The following ZNF382 variants were observed in gnomAD, a reference collection of about 807,000 sequenced individuals.
ZNF382 encodes the protein zinc finger protein 382, also known as KRAB/zinc finger suppressor protein 1.
A neutral mutation model predicts 38.8 loss-of-function variants in ZNF382; 20 were observed. That is an observed-to-expected ratio of 0.51 (90% CI 0.36 to 0.75). The LOEUF (loss-of-function observed/expected upper bound fraction) is 0.75, where lower values mean the gene tolerates loss of function less well. ZNF382 is among the 30% of genes least tolerant of loss of function. The probability of loss-of-function intolerance (pLI) is 0.00; values close to 1 mark genes in which losing one functional copy is unlikely to be tolerated. For synonymous variants in ZNF382, 202 were observed against 223.1 expected, an observed-to-expected ratio of 0.91 and a Z score of 0.84; for missense variants, 546 against 654.1, an observed-to-expected ratio of 0.83 and a Z score of 1.80.
Position 36,626,614 on chromosome 19 carries a change from C to G in ZNF382, c.717C>G (p.Thr239=), listed in dbSNP as rs755727746. Residue 239 remains threonine, a synonymous_variant, in exon 5 of 5, where the codon ACC becomes ACG. Transcript: ENST00000292928. ...THTRAHRGER[T]FEYNKDGIAF... Reference sequence around the variant, plus strand: ...CTAGAGCTCACAGAGGAGAAAGAACCTTTGAATACAATAAAGATGGAATTG... The same window carrying G: ...CTAGAGCTCACAGAGGAGAAAGAACGTTTGAATACAATAAAGATGGAATTG... 11 of 1,613,974 alleles carry G rather than the reference C, an allele frequency of 6.8e-6. No homozygotes were observed. The highest frequency in any genetic ancestry group is 1.1e-5 in the South Asian group (1 of 91,066).
intron 1 of ZNF382, among the ~76,000 whole-genome samples, chr19:36,607,173 G>A (rs1409233678): frequency 6.6e-6 from 1 of 151,964 alleles, no homozygotes; most frequent in African/African-American, 2.4e-5. Flanking sequence ...GGCTTGGGAA[G>A]GTATTCTCAT....
At chr19:36,611,411 A>G (rs897199378) in intron 4 of ZNF382, among the ~76,000 whole-genome samples, 2 of 152,180 alleles carry the variant, frequency 1.3e-5, no homozygotes, top group African/African-American at 2.4e-5. Flanking sequence ...GTGCAATCAC[A>G]TAGTATTTAT....
chr19:36,612,479 A>G (rs12973571), intron 4 of ZNF382, among the ~76,000 whole-genome samples: 14,185 of 152,232 alleles, frequency 0.093, 734 homozygotes, highest in African/African-American at 0.14. Context: ...TAGCAGCGAT[A>G]TCGCTGATTC....
intron 4 of ZNF382, among the ~76,000 whole-genome samples, chr19:36,616,051 T>G (rs528988002): frequency 1.3e-5 from 2 of 152,344 alleles, no homozygotes; most frequent in South Asian, 4.1e-4. Flanking sequence ...CATTTTTCTC[T>G]TAAAACAATT....
intron 4 of ZNF382, among the ~76,000 whole-genome samples, chr19:36,621,985 T>C (rs1370845310): frequency 4.6e-5 from 7 of 151,906 alleles, no homozygotes; most frequent in Admixed American, 4.6e-4. Context: ...ATAGCAGCTG[T>C]TAATTCAGGG....
intron 4 of ZNF382, among the ~76,000 whole-genome samples, chr19:36,619,729 GT>G (rs66531552): frequency 0.34 from 50,357 of 147,896 alleles, 8,505 homozygotes; most frequent in South Asian, 0.44. Flanking sequence ...AATTAAAAGA[GT>G]TTTTTTTTTT....
chr19:36,621,840 T>A (rs1351901774), intron 4 of ZNF382, among the ~76,000 whole-genome samples: 2 of 152,126 alleles, frequency 1.3e-5, no homozygotes, highest in African/African-American at 2.4e-5. Flanking sequence ...GAGGGAAAAC[T>A]GTAATTGGTT....
At position 36,631,414 on chromosome 19, in the gene ZNF382, G is replaced by T; in HGVS notation, c.*3864G>T. 1 of 150,970 alleles carries T rather than the reference G, an allele frequency of 6.6e-6. No individual in the cohort carries two copies. The highest frequency in any genetic ancestry group is 1.5e-5 in the Non-Finnish European group (1 of 67,876). The allele number at this position is 150,970 out of a possible 1,614,324, so 9.4% of individuals were successfully genotyped here. A position where few individuals can be genotyped will look rare whatever the true frequency, so the allele number is the denominator to read the frequency against. On this transcript the variant is annotated 3_prime_UTR_variant, in exon 5 of 5. Coordinates refer to ENST00000292928, the MANE Select transcript of ZNF382 (RefSeq NM_032825.5). ...AATCTTTTTTTTTTTTTGAGACAGAGTCTCACTCTGTCGCCCAGGCTGGTG... is the reference window on the plus strand; with the variant it reads ...AATCTTTTTTTTTTTTTGAGACAGATTCTCACTCTGTCGCCCAGGCTGGTG...
rs191774628 is a variant in ZNF382, at chr19:36,614,111, G to A, written c.232+3369G>A. ...CCCCAGCACTTTGGGAGGCCGAGGCGGGCGGATCACCTGAGGTCAGGAGTT... is the reference window on the plus strand; with the variant it reads ...CCCCAGCACTTTGGGAGGCCGAGGCAGGCGGATCACCTGAGGTCAGGAGTT... On this transcript the variant is annotated intron_variant, in intron 4 of 4. Transcript: ENST00000292928. Among the ~76,000 whole-genome samples, 701 of 152,108 alleles carry A rather than the reference G, an allele frequency of 4.6e-3. 4 individuals are homozygous for A. The highest frequency in any genetic ancestry group is 4.9e-3 in the Non-Finnish European group (336 of 67,988).
chr19:36,614,020 G>A (rs181334666), intron 4 of ZNF382, among the ~76,000 whole-genome samples: 46 of 152,158 alleles, frequency 3.0e-4, no homozygotes, highest in African/African-American at 2.6e-4. Flanking sequence ...GTCAGTTAGC[G>A]TAAGTCCTCT....
chr19:36,609,681 G>A, intron 2 of ZNF382: 1 of 387,314 alleles, frequency 2.6e-6, no homozygotes, highest in Non-Finnish European at 4.6e-6. Flanking sequence ...GCAGGGTCAG[G>A]GTTTTATTCA....
chr19:36,610,471 GAA>G (rs934610186), intron 3 of ZNF382, 177 bp from the exon 4 acceptor site: 3 of 468,594 alleles, frequency 6.4e-6, no homozygotes, highest in African/African-American at 6.1e-5. Flanking sequence ...AAAAAGAAAA[GAA>G]AAGGAAAGAA....
At chr19:36,620,070 A>G (rs2037157156) in intron 4 of ZNF382, among the ~76,000 whole-genome samples, 1 of 152,058 alleles carries the variant, frequency 6.6e-6, no homozygotes, top group African/African-American at 2.4e-5. Context: ...AATAAAAATC[A>G]TTGTTTAATA....
intron 4 of ZNF382, among the ~76,000 whole-genome samples, chr19:36,623,303 C>T (rs142687479): frequency 0.012 from 1,777 of 152,144 alleles, 34 homozygotes; most frequent in African/African-American, 0.04. Flanking sequence ...TAGAGAAAAT[C>T]GTCAATAAAA....
chr19:36,616,920 G>A (rs1447910064), intron 4 of ZNF382, among the ~76,000 whole-genome samples: 1 of 152,074 alleles, frequency 6.6e-6, no homozygotes, highest in African/African-American at 2.4e-5. Flanking sequence ...CAGAGGGATG[G>A]AGGAGTTCTG....
At chr19:36,610,144 T>C in intron 3 of ZNF382, 91 bp downstream of exon 3, 1 of 1,502,276 alleles carries the variant, frequency 6.7e-7, no homozygotes, top group South Asian at 1.2e-5. Flanking sequence ...GGATTAGAGG[T>C]GATTATTTTT....
chr19:36,618,687 G>GT (rs1424772981), intron 4 of ZNF382, among the ~76,000 whole-genome samples: 5 of 124,542 alleles, frequency 4.0e-5, no homozygotes, highest in African/African-American at 5.7e-5. Context: ...CAAATAAGTG[G>GT]GTTTTTTTTT....
rs1415506033 is a variant in ZNF382, at chr19:36,607,583, A to C, written c.-53A>C. Reference sequence around the variant, plus strand: ...TTCTTTTTCCAAAAGAGGAGCTCAAAAGAGAAAGTTCATCTAGAAATCTCA... The same window carrying C: ...TTCTTTTTCCAAAAGAGGAGCTCAACAGAGAAAGTTCATCTAGAAATCTCA... On this transcript the variant is annotated 5_prime_UTR_variant, in exon 2 of 5. Coordinates refer to ENST00000292928, the MANE Select transcript of ZNF382 (RefSeq NM_032825.5). 6 of 1,534,882 alleles carry C rather than the reference A, an allele frequency of 3.9e-6. No homozygotes were observed. The highest frequency in any genetic ancestry group is 5.2e-6 in the Non-Finnish European group (6 of 1,146,520).
intron 4 of ZNF382, 70 bp from the exon 5 acceptor site, chr19:36,626,060 T>C: frequency 8.8e-7 from 1 of 1,134,714 alleles, no homozygotes; most frequent in Non-Finnish European, 1.2e-6. Context: ...CCACCATAGT[T>C]TGTCTGTATG....
Sources: allele counts gnomAD v4.1 joint callset (sites outside exome capture counted in the v4.1 genomes callset), GRCh38; gene constraint gnomAD v4.1.1; transcripts MANE v1.5; gene names NCBI Gene and HGNC (gene_info 2026-07-23, HGNC 2026-07-21).